The following CAMKK2 variants were observed in gnomAD, a reference collection of about 807,000 sequenced individuals.
CAMKK2 encodes the protein calcium/calmodulin dependent protein kinase kinase 2.
A neutral mutation model predicts 67.2 loss-of-function variants in CAMKK2; 30 were observed. The observed-to-expected ratio is 0.45, with a 90% CI of 0.33 to 0.61. The LOEUF (loss-of-function observed/expected upper bound fraction) is 0.61, where lower values mean the gene tolerates loss of function less well. Among genes scored for constraint, CAMKK2 ranks in the 20% least tolerant of loss-of-function variants. The pLI, the probability that CAMKK2 is intolerant of heterozygous loss-of-function variation, is 0.02. For missense variants in CAMKK2, 643 were observed against 802.0 expected (o/e 0.80, Z 2.39); for synonymous variants, 322 against 326.2 (o/e 0.99, Z 0.14).
chr12:121,244,273 C>T (rs1442918745), intron 16 of CAMKK2: 22 of 816,122 alleles, frequency 2.7e-5, no homozygotes, highest in Non-Finnish European at 3.9e-5. Flanking sequence ...ACACCATTGA[C>T]GTGCACTGAG....
chr12:121,260,693 C>G (rs1436600061), intron 6 of CAMKK2, among the ~76,000 whole-genome samples: 2 of 152,132 alleles, frequency 1.3e-5, no homozygotes, highest in African/African-American at 4.8e-5. Context: ...TGGCTCATGC[C>G]TGAAATCCCA....
chr12:121,288,860 T>C (rs1899344482), intron 1 of CAMKK2, among the ~76,000 whole-genome samples: 1 of 151,396 alleles, frequency 6.6e-6, no homozygotes, highest in South Asian at 2.1e-4. Context: ...AACATAAAAA[T>C]AGTTGCTCAG....
chr12:121,259,916 C>G (rs1893087550), intron 7 of CAMKK2, among the ~76,000 whole-genome samples: 1 of 151,992 alleles, frequency 6.6e-6, no homozygotes, highest in African/African-American at 2.4e-5. Context: ...CACTTTGTCT[C>G]TAGAAAAATT....
intron 1 of CAMKK2, among the ~76,000 whole-genome samples, chr12:121,277,086 C>T (rs975727701): frequency 1.3e-5 from 2 of 152,234 alleles, no homozygotes; most frequent in South Asian, 2.1e-4. Context: ...TGGCCCTCAG[C>T]GCTCTCGGAA....
intron 16 of CAMKK2, among the ~76,000 whole-genome samples, chr12:121,241,443 G>T (rs570502554): frequency 6.6e-6 from 1 of 152,328 alleles, no homozygotes; most frequent in African/African-American, 2.4e-5. Context: ...GAGCACCTCA[G>T]ACAGAAGAGG....
At chr12:121,290,148 TC>T (rs1006551523) in intron 1 of CAMKK2, among the ~76,000 whole-genome samples, 2 of 152,144 alleles carry the variant, frequency 1.3e-5, no homozygotes, top group Non-Finnish European at 1.5e-5. Context: ...GTACTCCGCT[TC>T]CCTTGTCTGG....
intron 7 of CAMKK2, among the ~76,000 whole-genome samples, chr12:121,256,055 A>G (rs968424397): frequency 1.3e-5 from 2 of 152,142 alleles, no homozygotes; most frequent in Non-Finnish European, 2.9e-5. Context: ...TAGTGCTCAA[A>G]TTGGCCCAGG....
chr12:121,290,234 G>A (rs993450033), intron 1 of CAMKK2, among the ~76,000 whole-genome samples: 9 of 152,172 alleles, frequency 5.9e-5, no homozygotes, highest in East Asian at 1.9e-4. Flanking sequence ...CTTTCTGGGC[G>A]GGTATTCCTG....
At chr12:121,248,792 G>A in intron 13 of CAMKK2, 58 bp from the exon 14 acceptor site, 2 of 1,603,390 alleles carry the variant, frequency 1.2e-6, no homozygotes, top group Non-Finnish European at 1.7e-6. Context: ...GGGGGGCCCT[G>A]CCAGCGAGCG....
chr12:121,256,991 A>C (rs144148764), intron 7 of CAMKK2, among the ~76,000 whole-genome samples: 41 of 149,326 alleles, frequency 2.7e-4, no homozygotes, highest in African/African-American at 9.9e-4. Context: ...ACAAGCATAA[A>C]TTGGAATACA....
intron 8 of CAMKK2, 38 bp from the exon 9 acceptor site, chr12:121,255,676 C>A (rs1450256698): frequency 6.2e-7 from 1 of 1,608,836 alleles, no homozygotes. Flanking sequence ...CAAAGCAGAC[C>A]CGCCAGCCCT....
intron 1 of CAMKK2, among the ~76,000 whole-genome samples, chr12:121,283,500 G>C (rs1474063052): frequency 6.6e-6 from 1 of 152,132 alleles, no homozygotes; most frequent in Non-Finnish European, 1.5e-5. Context: ...TCTGGCCACC[G>C]ATATACTGGC....
chr12:121,286,965 G>A (rs1271759735), intron 1 of CAMKK2, among the ~76,000 whole-genome samples: 3 of 152,138 alleles, frequency 2.0e-5, no homozygotes, highest in Non-Finnish European at 2.9e-5. Context: ...GAATGCAGTG[G>A]TGCAATCATA....
intron 13 of CAMKK2, 25 bp downstream of exon 13, chr12:121,249,761 CG>C (rs751551915): frequency 1.9e-6 from 3 of 1,602,452 alleles, no homozygotes; most frequent in Admixed American, 1.7e-5. Context: ...ATTCCGAGCA[CG>C]GGGCACAGGC....
intron 5 of CAMKK2, 58 bp from the exon 6 acceptor site, chr12:121,263,997 G>A: frequency 3.4e-6 from 5 of 1,459,268 alleles, no homozygotes; most frequent in Admixed American, 2.3e-5. Flanking sequence ...TCCGCAGAGG[G>A]CAGCTGCAGG....
chr12:121,274,215 C>A lies in CAMKK2; in HGVS notation c.312G>T (p.Arg104=). Residue 104 remains arginine (R), a synonymous_variant, in exon 2 of 17, where the codon CGG becomes CGT. Transcript: ENST00000404169. ...LSGRKLSLQE[R]SQGGLAAGGS... is the part of the protein sequence containing the mutation. ...CACCGGCTGCCAGCCCACCCTGGGA[C>A]CGCTCTTGCAGAGACAGCTTGCGAC... 6.2e-7 allele frequency: 1 copy of A among 1,605,470 alleles called. No homozygotes were observed. The highest frequency in any genetic ancestry group is 8.5e-7 in the Non-Finnish European group (1 of 1,174,398).
Position 121,285,606 on chromosome 12 carries a change from T to C in CAMKK2, c.-59-11021A>G, listed in dbSNP as rs566957789. 1.3e-4 allele frequency among the ~76,000 whole-genome samples: 20 copies of C among 151,912 alleles called. 1 individual carries two copies. The highest frequency in any genetic ancestry group is 4.8e-4 in the African/African-American group (20 of 41,448). ...GGCAGATCCCTTGAGCCCAGGAGTTTGAGACCAGCCTGGGCAACATGGCGA... is the reference window on the plus strand; with the variant it reads ...GGCAGATCCCTTGAGCCCAGGAGTTCGAGACCAGCCTGGGCAACATGGCGA... On this transcript the variant is annotated intron_variant, in intron 1 of 16. Coordinates refer to ENST00000404169, the MANE Select transcript of CAMKK2 (RefSeq NM_001270485.2). The surrounding 1 kb of genome is among the most constrained non-coding windows in gnomAD (Gnocchi z 4.1).
At chr12:121,268,236 C>T (rs1355637915) in intron 5 of CAMKK2, among the ~76,000 whole-genome samples, 1 of 151,772 alleles carries the variant, frequency 6.6e-6, no homozygotes, top group Non-Finnish European at 1.5e-5. Flanking sequence ...CACATACAAG[C>T]TCCTAGGTGA....
At chr12:121,269,642 C>T in intron 3 of CAMKK2, 61 bp from the exon 4 acceptor site, 1 of 1,329,422 alleles carries the variant, frequency 7.5e-7, no homozygotes, top group South Asian at 1.2e-5. Context: ...AAAATGAGAA[C>T]CCTAATACAG....
Sources: gnomAD v4.1 joint callset for allele counts (sites outside exome capture counted in the v4.1 genomes callset) on GRCh38, gnomAD v4.1.1 for gene constraint, Gnocchi (gnomAD v3.1) non-coding constraint, MANE v1.5 for transcripts, NCBI Gene and HGNC (gene_info 2026-07-23, HGNC 2026-07-21) for gene names.